The following FRAS1 variants were observed in gnomAD, a reference collection of about 807,000 sequenced individuals.
FRAS1 encodes the protein Fraser extracellular matrix complex subunit 1, also known as extracellular matrix organizing protein FRAS1.
Under a neutral mutation model 435.2 loss-of-function variants are expected in FRAS1, and 290 were observed. That is an observed-to-expected ratio of 0.67 (90% CI 0.61 to 0.73). FRAS1 has a LOEUF of 0.73. Ranked by LOEUF, FRAS1 falls within the 30% of genes least tolerant of loss-of-function variation. The pLI is 0.00. For synonymous variants in FRAS1, 1,800 were observed against 1,851.0 expected, an observed-to-expected ratio of 0.97 and a Z score of 0.71; for missense variants, 4,860 against 5,001.5, an observed-to-expected ratio of 0.97 and a Z score of 0.85.
At chr4:78,074,163 G>A (rs1299969637) in intron 2 of FRAS1, among the ~76,000 whole-genome samples, 1 of 151,706 alleles carries the variant, frequency 6.6e-6, no homozygotes, top group Admixed American at 6.6e-5. Context: ...TTGAATGGGT[G>A]GGGGTGGGAT....
At chr4:78,537,451 A>T (rs1206824799) in intron 72 of FRAS1, among the ~76,000 whole-genome samples, 1 of 152,254 alleles carries the variant, frequency 6.6e-6, no homozygotes, top group African/African-American at 2.4e-5. Context: ...AGTATGGTTC[A>T]GAGACCTGGA....
chr4:78,373,842 A>G (rs932479796), intron 24 of FRAS1, among the ~76,000 whole-genome samples: 1 of 152,162 alleles, frequency 6.6e-6, no homozygotes, highest in Admixed American at 6.5e-5. Context: ...TTTATCTAGC[A>G]TTTTCCATGG....
Position 78,430,329 on chromosome 4 carries a change from C to T in FRAS1, c.4881C>T (p.Pro1627=). The change falls in exon 37 of 74, where the codon CCC becomes CCT. Residue 1627 remains proline, a synonymous_variant. Coordinates refer to ENST00000512123, the MANE Select transcript of FRAS1 (RefSeq NM_025074.7). ...TAGTAAGAGATGCTGAGACAGCGCC[C>T]AAAGAACTCTTCTTTGAGCTTCGGA... ...QVVVRDAETA[P]KELFFELRRP... 6.2e-7 allele frequency: 1 copy of T among 1,613,860 alleles called. No homozygotes were observed. The highest frequency in any genetic ancestry group is 8.5e-7 in the Non-Finnish European group (1 of 1,179,860).
intron 47 of FRAS1, among the ~76,000 whole-genome samples, chr4:78,456,477 A>G (rs917213741): frequency 3.3e-5 from 5 of 152,164 alleles, no homozygotes; most frequent in African/African-American, 9.7e-5. Context: ...TGGCAAAAGC[A>G]TATGCATGCA....
intron 2 of FRAS1, among the ~76,000 whole-genome samples, chr4:78,201,337 G>C (rs1412591133): frequency 6.6e-6 from 1 of 152,310 alleles, no homozygotes; most frequent in African/African-American, 2.4e-5. Context: ...TAGAAGTTAG[G>C]TAAAGAACAA....
chr4:78,380,460 A>G (rs1471750), intron 27 of FRAS1, among the ~76,000 whole-genome samples: 96,259 of 151,980 alleles, frequency 0.63, 30,629 homozygotes, highest in African/African-American at 0.66. Context: ...CACATTATGG[A>G]ATTAATTGTG....
chr4:78,258,774 T>G (rs1192771423), intron 6 of FRAS1, among the ~76,000 whole-genome samples: 1 of 147,356 alleles, frequency 6.8e-6, no homozygotes, highest in Non-Finnish European at 1.5e-5. Context: ...GTTACATATG[T>G]ATACATGTGC....
intron 2 of FRAS1, among the ~76,000 whole-genome samples, chr4:78,114,895 C>T (rs1486329164): frequency 1.3e-5 from 2 of 152,114 alleles, no homozygotes; most frequent in East Asian, 3.8e-4. Context: ...AGAGGGCATC[C>T]CTGTCTTGTG....
chr4:78,265,827 C>A (rs951408307), intron 7 of FRAS1, among the ~76,000 whole-genome samples: 1 of 152,176 alleles, frequency 6.6e-6, no homozygotes, highest in East Asian at 1.9e-4. Flanking sequence ...AAATTGGGGT[C>A]ATGACTCTCA....
intron 2 of FRAS1, among the ~76,000 whole-genome samples, chr4:78,077,736 G>C (rs1740714501): frequency 6.6e-6 from 1 of 151,992 alleles, no homozygotes; most frequent in East Asian, 1.9e-4. Flanking sequence ...TAAACAGAAA[G>C]CAATTAAAAA....
At chr4:78,529,392 C>T (rs1039625126) in intron 70 of FRAS1, among the ~76,000 whole-genome samples, 1 of 151,872 alleles carries the variant, frequency 6.6e-6, no homozygotes, top group Non-Finnish European at 1.5e-5. Flanking sequence ...GCAGATCTAC[C>T]ACCCACCTTA....
intron 41 of FRAS1, among the ~76,000 whole-genome samples, chr4:78,445,089 T>G (rs2082047741): frequency 6.6e-6 from 1 of 152,242 alleles, no homozygotes; most frequent in Non-Finnish European, 1.5e-5. Context: ...TCTTATGTAG[T>G]GAAAGAGGGT....
At chr4:78,395,347 T>A (rs1365701828) in intron 29 of FRAS1, among the ~76,000 whole-genome samples, 1 of 152,016 alleles carries the variant, frequency 6.6e-6, no homozygotes, top group East Asian at 1.9e-4. Context: ...CTGTTATATG[T>A]AATATTCTAT....
chr4:78,454,593 C>T (rs750546896), intron 47 of FRAS1, among the ~76,000 whole-genome samples: 8 of 152,100 alleles, frequency 5.3e-5, no homozygotes, highest in African/African-American at 1.7e-4. Flanking sequence ...TAATTGTCTC[C>T]GCCAGAATTC....
intron 14 of FRAS1, among the ~76,000 whole-genome samples, chr4:78,302,206 T>G (rs1417800107): frequency 1.3e-5 from 2 of 150,262 alleles, no homozygotes; most frequent in African/African-American, 5.0e-5. Context: ...TATGGCTGCA[T>G]AGTATTCCAT....
At chr4:78,465,703 C>A (rs914937190) in intron 49 of FRAS1, among the ~76,000 whole-genome samples, 1 of 75,748 alleles carries the variant, frequency 1.3e-5, no homozygotes, top group Admixed American at 1.8e-4. Context: ...GCCATGCTGG[C>A]CCTGGTTAGG....
intron 35 of FRAS1, among the ~76,000 whole-genome samples, chr4:78,427,871 C>G (rs768853959): frequency 2.6e-5 from 4 of 152,230 alleles, no homozygotes; most frequent in Non-Finnish European, 4.4e-5. Flanking sequence ...CAATGCTTGA[C>G]TTTGCTTAAG....
At chr4:78,318,152 A>G (rs79408279) in intron 17 of FRAS1, among the ~76,000 whole-genome samples, 84 of 152,376 alleles carry the variant, frequency 5.5e-4, no homozygotes, top group African/African-American at 2.0e-3. Flanking sequence ...TATTTGAAAC[A>G]GGAAAGCTGC....
At chr4:78,064,836 C>A (rs942217212) in intron 1 of FRAS1, among the ~76,000 whole-genome samples, 1 of 151,622 alleles carries the variant, frequency 6.6e-6, no homozygotes, top group Non-Finnish European at 1.5e-5. Flanking sequence ...AAATAATGTC[C>A]TTCTCTCTTT....
Sources: gnomAD v4.1 joint callset for allele counts (sites outside exome capture counted in the v4.1 genomes callset) on GRCh38, gnomAD v4.1.1 for gene constraint, MANE v1.5 for transcripts, NCBI Gene and HGNC (gene_info 2026-07-23, HGNC 2026-07-21) for gene names.